MRPS6: variants seen among roughly 807,000 people sequenced by gnomAD.
MRPS6 encodes the protein small ribosomal subunit protein bS6m.
A neutral mutation model predicts 13.1 loss-of-function variants in MRPS6; 6 were observed. The observed-to-expected ratio is 0.46, with a 90% confidence interval of 0.25 to 0.91. MRPS6 has a LOEUF of 0.91. MRPS6 is among the 40% of genes least tolerant of loss of function. The pLI is 0.18. For synonymous variants in MRPS6, 61 were observed against 56.5 expected (o/e 1.08, Z -0.36); for missense variants, 164 against 155.6 (o/e 1.05, Z -0.29).
At position 34,107,559 on chromosome 21, in the gene MRPS6, A is replaced by G. The variant is rs530567113; in HGVS notation, c.46-17782A>G. On this transcript the variant is annotated intron_variant, in intron 1 of 2. Transcript: ENST00000399312. ...TATTTCTCATCAAACTTGAACCCCT[A>G]GTTTTAGCATTCATTTATCTATGAA... Among the ~76,000 whole-genome samples, 8 of 152,262 alleles carry G rather than the reference A, an allele frequency of 5.3e-5. No individual in the cohort carries two copies. In the South Asian group the frequency reaches 8.3e-4, roughly 16 times the overall value.
chr21:34,105,721 AG>A, intron 1 of MRPS6: 1 of 997,910 alleles, frequency 1.0e-6, no homozygotes, highest in South Asian at 4.7e-5. Context: ...ATGGATTTCC[AG>A]TTTACCTTCT....
chr21:34,129,140 G>A (rs1011221341), intron 2 of MRPS6, among the ~76,000 whole-genome samples: 1 of 152,168 alleles, frequency 6.6e-6, no homozygotes, highest in African/African-American at 2.4e-5. Flanking sequence ...GTTAGAGGGA[G>A]CAATGACAGG....
intron 1 of MRPS6, among the ~76,000 whole-genome samples, chr21:34,086,979 T>C (rs752964272): frequency 1.2e-4 from 19 of 152,162 alleles, no homozygotes; most frequent in Non-Finnish European, 2.5e-4. Context: ...TCTGCACATA[T>C]CACTGCACAC....
At chr21:34,135,864 G>T (rs947973128) in intron 2 of MRPS6, 2 of 551,144 alleles carry the variant, frequency 3.6e-6, no homozygotes, top group African/African-American at 3.8e-5. Flanking sequence ...ACTGAGCTTT[G>T]CAGAAGCGTT....
chr21:34,122,571 A>C (rs1317338345), intron 1 of MRPS6: 1 of 152,180 alleles, frequency 6.6e-6, no homozygotes, highest in African/African-American at 2.4e-5. Context: ...CTCTTACTTC[A>C]GAAGAGGGTA....
intron 1 of MRPS6, chr21:34,097,562 C>A: frequency 7.4e-7 from 1 of 1,346,522 alleles, no homozygotes; most frequent in Non-Finnish European, 9.6e-7. Flanking sequence ...CCAAACCTAA[C>A]AGACTGAATT....
intron 1 of MRPS6, among the ~76,000 whole-genome samples, chr21:34,108,889 T>C (rs1385482247): frequency 6.6e-6 from 1 of 152,188 alleles, no homozygotes; most frequent in South Asian, 2.1e-4. Context: ...GTGGGTTCTT[T>C]CAGTATGGCA....
chr21:34,100,574 C>T, intron 1 of MRPS6: 1 of 1,000,204 alleles, frequency 1.0e-6, no homozygotes, highest in Non-Finnish European at 1.2e-6. Flanking sequence ...AAGAGCCTGG[C>T]CAGGGTCATG....
intron 2 of MRPS6, chr21:34,135,650 TC>T (rs1980669746): frequency 2.6e-6 from 1 of 382,142 alleles, no homozygotes; most frequent in Non-Finnish European, 5.2e-6. Flanking sequence ...CATCTCACAG[TC>T]CCTGCTCACC....
intron 2 of MRPS6, chr21:34,135,686 G>A (rs778185656): frequency 1.8e-5 from 7 of 383,668 alleles, no homozygotes; most frequent in Non-Finnish European, 3.1e-5. Flanking sequence ...TCCTCCTGGG[G>A]ACCACCATTG....
intron 1 of MRPS6, among the ~76,000 whole-genome samples, chr21:34,074,042 C>CCCCGAT (rs1038541863): frequency 6.8e-6 from 1 of 146,420 alleles, no homozygotes; most frequent in Non-Finnish European, 1.5e-5. Flanking sequence ...CGGGCCCCGA[C>CCCCGAT]CCCGATCCCG....
intron 2 of MRPS6, among the ~76,000 whole-genome samples, chr21:34,130,728 A>G (rs1407437964): frequency 2.0e-5 from 3 of 152,172 alleles, no homozygotes; most frequent in South Asian, 4.1e-4. Context: ...GCAGTGAGAA[A>G]TGCATTAGTG....
chr21:34,108,764 C>T (rs1019617734), intron 1 of MRPS6, among the ~76,000 whole-genome samples: 1 of 152,274 alleles, frequency 6.6e-6, no homozygotes, highest in East Asian at 1.9e-4. Context: ...AAGCACTTTC[C>T]TTCAGAAATT....
intron 1 of MRPS6, among the ~76,000 whole-genome samples, chr21:34,075,754 A>G (rs888036060): frequency 1.3e-5 from 2 of 152,234 alleles, no homozygotes; most frequent in African/African-American, 4.8e-5. Flanking sequence ...TAGCTTGTAA[A>G]TGTGGCACAA....
At chr21:34,105,956 A>T (rs1452894181) in intron 1 of MRPS6, 2 of 993,580 alleles carry the variant, frequency 2.0e-6, no homozygotes. Flanking sequence ...AATTGTAAAC[A>T]TGTATGATCT....
intron 1 of MRPS6, chr21:34,123,028 A>G (rs546057238): frequency 7.9e-5 from 12 of 152,290 alleles, no homozygotes; most frequent in Non-Finnish European, 1.3e-4. Context: ...TTTGGCCTGA[A>G]TTTTTATTGT....
chr21:34,131,688 A>T (rs1980506586), intron 2 of MRPS6, among the ~76,000 whole-genome samples: 1 of 152,180 alleles, frequency 6.6e-6, no homozygotes, highest in African/African-American at 2.4e-5. Context: ...TCATGTGTAA[A>T]AATAGAAATG....
intron 1 of MRPS6, among the ~76,000 whole-genome samples, chr21:34,083,041 C>T (rs113862935): frequency 9.8e-5 from 15 of 152,300 alleles, no homozygotes; most frequent in Non-Finnish European, 1.8e-4. Context: ...TTTTCTGCTT[C>T]TGCCCCAGAA....
At chr21:34,103,297 C>T (rs1602938808) in intron 1 of MRPS6, 11 of 977,332 alleles carry the variant, frequency 1.1e-5, no homozygotes, top group African/African-American at 3.9e-5. Flanking sequence ...TAAATTTTGT[C>T]GTAACTAGTG....
Sources: allele counts gnomAD v4.1 joint callset (sites outside exome capture counted in the v4.1 genomes callset), GRCh38; gene constraint gnomAD v4.1.1; transcripts MANE v1.5; gene names NCBI Gene and HGNC (gene_info 2026-07-23, HGNC 2026-07-21).